Variants in PTPRC observed in about 807,000 individuals in gnomAD.
The protein encoded by PTPRC is protein tyrosine phosphatase receptor type C, also known as receptor-type tyrosine-protein phosphatase C.
A neutral mutation model predicts 155.9 loss-of-function variants in PTPRC; 44 were observed. The observed-to-expected ratio is 0.28, with a 90% confidence interval of 0.22 to 0.36. The LOEUF (loss-of-function observed/expected upper bound fraction) is 0.36. Among genes scored for constraint, PTPRC ranks in the 10% least tolerant of loss-of-function variants. The pLI is 1.00. For missense variants in PTPRC, 1,401 were observed against 1,564.6 expected, an observed-to-expected ratio of 0.90 and a Z score of 1.76; for synonymous variants, 525 against 533.1, an observed-to-expected ratio of 0.98 and a Z score of 0.21.
At chr1:198,726,864 T>G (rs1341613786) in intron 15 of PTPRC, among the ~76,000 whole-genome samples, 1 of 144,944 alleles carries the variant, frequency 6.9e-6, no homozygotes, top group Non-Finnish European at 1.5e-5. Flanking sequence ...TTCTTTTCTT[T>G]CCTTTTTTTT....
intron 2 of PTPRC, among the ~76,000 whole-genome samples, chr1:198,647,445 G>A (rs1237435905): frequency 6.6e-6 from 1 of 151,708 alleles, no homozygotes; most frequent in Non-Finnish European, 1.5e-5. Flanking sequence ...TTTTGATTCT[G>A]TCCTTTTATT....
intron 22 of PTPRC, 131 bp downstream of exon 22, chr1:198,734,556 C>A: frequency 1.2e-6 from 1 of 829,930 alleles, no homozygotes; most frequent in Non-Finnish European, 2.0e-6. Flanking sequence ...TCAGTGTTAA[C>A]ATTTAATTTA....
chr1:198,689,187 A>C (rs1005353684), intron 2 of PTPRC, among the ~76,000 whole-genome samples: 4 of 152,132 alleles, frequency 2.6e-5, no homozygotes, highest in African/African-American at 9.7e-5. Flanking sequence ...TATTTCTTTT[A>C]AAAAACGTAT....
chr1:198,661,498 A>G (rs185249995), intron 2 of PTPRC, among the ~76,000 whole-genome samples: 2 of 151,930 alleles, frequency 1.3e-5, no homozygotes, highest in Non-Finnish European at 2.9e-5. Flanking sequence ...AATATTCTCT[A>G]TCTGTTGTAA....
intron 2 of PTPRC, among the ~76,000 whole-genome samples, chr1:198,646,549 C>T (rs945197926): frequency 4.6e-5 from 7 of 151,690 alleles, no homozygotes; most frequent in Non-Finnish European, 7.4e-5. Context: ...AAACTTAAAT[C>T]GGGCAATATT....
chr1:198,677,854 G>A (rs1665049336), intron 2 of PTPRC, among the ~76,000 whole-genome samples: 2 of 151,878 alleles, frequency 1.3e-5, no homozygotes, highest in African/African-American at 4.8e-5. Context: ...CATTTAACCT[G>A]TACAAGACCT....
At chr1:198,727,163 T>A (rs988476283) in intron 15 of PTPRC, among the ~76,000 whole-genome samples, 15 of 152,054 alleles carry the variant, frequency 9.9e-5, no homozygotes, top group Non-Finnish European at 2.2e-4. Flanking sequence ...GCCTGTCTGT[T>A]CAGTTACCTT....
At chr1:198,723,571 A>T (rs919314940) in intron 15 of PTPRC, among the ~76,000 whole-genome samples, 8 of 152,170 alleles carry the variant, frequency 5.3e-5, no homozygotes, top group African/African-American at 1.9e-4. Context: ...TAATATCTTT[A>T]TAATAAAAAT....
intron 2 of PTPRC, among the ~76,000 whole-genome samples, chr1:198,656,714 T>C (rs563860735): frequency 3.9e-4 from 59 of 151,560 alleles, no homozygotes; most frequent in Non-Finnish European, 5.0e-4. Context: ...TGATCTGTAG[T>C]TTTACGAGAA....
intron 2 of PTPRC, among the ~76,000 whole-genome samples, chr1:198,680,410 GCCACGGCA>G (rs1665248715): frequency 6.6e-6 from 1 of 150,740 alleles, no homozygotes; most frequent in Non-Finnish European, 1.5e-5. Context: ...CTGAGATAGT[GCCACGGCA>G]CTCCAGCCTG....
intron 2 of PTPRC, among the ~76,000 whole-genome samples, chr1:198,639,601 A>G (rs951467427): frequency 1.3e-5 from 2 of 152,066 alleles, no homozygotes; most frequent in Non-Finnish European, 2.9e-5. Context: ...TTTATTTACA[A>G]CTGTTCAAAG....
At chr1:198,682,070 AG>A (rs1271587353) in intron 2 of PTPRC, among the ~76,000 whole-genome samples, 1 of 152,262 alleles carries the variant, frequency 6.6e-6, no homozygotes, top group African/African-American at 2.4e-5. Flanking sequence ...ACCGAAGAGA[AG>A]AAACCACAAG....
intron 7 of PTPRC, among the ~76,000 whole-genome samples, chr1:198,704,189 A>T (rs1666610227): frequency 6.6e-6 from 1 of 152,190 alleles, no homozygotes; most frequent in Non-Finnish European, 1.5e-5. Context: ...ATCTTCAGCC[A>T]TGTTGCCATA....
chr1:198,665,113 G>A (rs1241898568), intron 2 of PTPRC, among the ~76,000 whole-genome samples: 4 of 117,588 alleles, frequency 3.4e-5, no homozygotes, highest in East Asian at 2.4e-4. Context: ...TTTTTGAGAC[G>A]GAGTCTCGCT....
At position 198,750,608 on chromosome 1, in the gene PTPRC, A is replaced by T. The variant is rs1655337581; in HGVS notation, c.3189A>T (p.Glu1063Asp). ...TCAAAGTTATTGTTATGCTGACAGAACTGAAACATGGAGACCAGGTTTGTA... is the reference window on the plus strand; with the variant it reads ...TCAAAGTTATTGTTATGCTGACAGATCTGAAACATGGAGACCAGGTTTGTA... ...RKVKVIVMLTELKHGDQEICA... is the reference protein window; with the variant it reads ...RKVKVIVMLTDLKHGDQEICA... Residue 1063 changes from glutamate to aspartate, a missense_variant, in exon 29 of 33, where the codon GAA becomes GAT. Coordinates refer to ENST00000442510, the MANE Select transcript of PTPRC (RefSeq NM_002838.5). 6.2e-7 allele frequency: 1 copy of T among 1,612,732 alleles called. No individual in the cohort carries two copies. The highest frequency in any genetic ancestry group is 8.5e-7 in the Non-Finnish European group (1 of 1,179,100).
rs137909392 is a variant in PTPRC at position 198,706,885 on chromosome 1, G to A, written c.837G>A (p.Ala279=). 131 of 1,613,578 alleles carry A rather than the reference G, an allele frequency of 8.1e-5. No homozygotes were observed. The highest frequency in any genetic ancestry group is 3.3e-4 in the East Asian group (15 of 44,836). The change falls in exon 9 of 33, where the codon GCG becomes GCA. Residue 279 remains alanine, a synonymous_variant. Coordinates refer to ENST00000442510, the MANE Select transcript of PTPRC (RefSeq NM_002838.5). ...EVHNLTECKN[A]SVSISHNSCT... ...ATAACCTTACAGAATGTAAAAATGC[G>A]TCTGTTTCCATATCTCATAATTCAT...
chr1:198,643,105 A>T (rs1662728394), intron 2 of PTPRC, among the ~76,000 whole-genome samples: 1 of 151,728 alleles, frequency 6.6e-6, no homozygotes, highest in Admixed American at 6.6e-5. Context: ...CTCTTATGTC[A>T]CTTTTGCCAC....
chr1:198,725,044 C>T (rs1212278764), intron 15 of PTPRC, among the ~76,000 whole-genome samples: 2 of 152,078 alleles, frequency 1.3e-5, no homozygotes, highest in Non-Finnish European at 2.9e-5. Flanking sequence ...TCAAATGATC[C>T]ACCTGCCTTG....
At chr1:198,703,232 G>A (rs1410807499) in intron 6 of PTPRC, 66 bp from the exon 7 acceptor site, 19 of 1,605,566 alleles carry the variant, frequency 1.2e-5, no homozygotes, top group Non-Finnish European at 1.5e-5. Context: ...TTGCTAAAGA[G>A]TTTTTCTTTC....
Sources: gnomAD v4.1 joint callset for allele counts (sites outside exome capture counted in the v4.1 genomes callset) on GRCh38, gnomAD v4.1.1 for gene constraint, MANE v1.5 for transcripts, NCBI Gene and HGNC (gene_info 2026-07-23, HGNC 2026-07-21) for gene names.